Variants in DDX6 observed in about 807,000 individuals in gnomAD.
The protein encoded by DDX6 is probable ATP-dependent RNA helicase DDX6.
Under a neutral mutation model 60.6 loss-of-function variants are expected in DDX6, and 7 were observed. The ratio of observed to expected loss-of-function variants is 0.12; its 90% confidence interval spans 0.07 to 0.22. The LOEUF is 0.22. Among genes scored for constraint, DDX6 ranks in the 10% least tolerant of loss-of-function variants. The pLI, the probability that DDX6 is intolerant of heterozygous loss-of-function variation, is 1.00. For synonymous variants in DDX6, 207 were observed against 201.0 expected (o/e 1.03, Z -0.25); for missense variants, 270 against 589.9 (o/e 0.46, Z 5.62).
intron 4 of DDX6, among the ~76,000 whole-genome samples, chr11:118,775,975 A>G (rs560138986): frequency 3.3e-5 from 5 of 151,844 alleles, no homozygotes; most frequent in Non-Finnish European, 5.9e-5. Flanking sequence ...TACCAAAAAC[A>G]AAAACAAAAA....
intron 2 of DDX6, among the ~76,000 whole-genome samples, chr11:118,783,882 G>C (rs193054157): frequency 1.3e-5 from 2 of 148,916 alleles, no homozygotes; most frequent in Non-Finnish European, 3.0e-5. Flanking sequence ...GTGAGAGGTC[G>C]AGGTGGGCAG....
chr11:118,757,462 A>G (rs901883087), intron 9 of DDX6, among the ~76,000 whole-genome samples, 175 bp from the exon 10 acceptor site: 1 of 152,230 alleles, frequency 6.6e-6, no homozygotes, highest in Non-Finnish European at 1.5e-5. Context: ...ATGGAAGATA[A>G]TAATATCTAA....
rs782597476 is a variant in DDX6, at chr11:118,758,811, C to T, written c.956G>A (p.Arg319His). Residue 319 changes from arginine (R) to histidine (H), a missense_variant, in exon 9 of 14, where the codon CGC becomes CAC. Transcript: ENST00000534980. ...TGTGTTGAGGCAGTGTACTTTTTGG[C>T]GCTCAGTTACATATGCGTAGTACTG... ...VTQYYAYVTE[R>H]QKVHCLNTLF... 4 of 1,613,568 alleles carry T rather than the reference C, an allele frequency of 2.5e-6. No individual in the cohort carries two copies. Among genetic ancestry groups the T allele is most frequent in the Non-Finnish European group, 3.4e-6 (4 of 1,179,782 alleles).
chr11:118,750,709 CT>C lies in DDX6; in HGVS notation c.*1395del, dbSNP rs142255932. The C allele has an allele frequency of 0.021, 3,255 of 152,252 alleles. 55 individuals are homozygous for C. The highest frequency in any genetic ancestry group is 0.035 in the Non-Finnish European group (2,391 of 68,006). 9.4% of individuals were successfully genotyped at this position (152,252 alleles called of 1,614,324 possible). A position where few individuals can be genotyped will look rare whatever the true frequency, so the allele number is the denominator to read the frequency against. On this transcript the variant is annotated 3_prime_UTR_variant, in exon 14 of 14. Coordinates refer to ENST00000534980, the MANE Select transcript of DDX6 (RefSeq NM_004397.6). The stretch of plus-strand genomic sequence containing the variant: ...TGCAAGGTAGATTAATCTTTGCCCC[CT>C]GTTGCAGAGCTTGAAATATTCCTCA...
chr11:118,762,557 T>C (rs1165760585), intron 7 of DDX6, among the ~76,000 whole-genome samples: 3 of 152,092 alleles, frequency 2.0e-5, no homozygotes, highest in African/African-American at 7.2e-5. Flanking sequence ...CCCTCAATCA[T>C]CATGTGGCTG....
intron 6 of DDX6, among the ~76,000 whole-genome samples, chr11:118,763,542 G>A (rs1377325138): frequency 6.6e-6 from 1 of 151,936 alleles, no homozygotes; most frequent in Non-Finnish European, 1.5e-5. Flanking sequence ...TCTTTTATTA[G>A]AAACAACTAG....
rs144239552 is a variant in DDX6, at chr11:118,784,844, G to A, written c.200+1208C>T. On this transcript the variant is annotated intron_variant, in intron 2 of 13. Coordinates refer to ENST00000534980, the MANE Select transcript of DDX6 (RefSeq NM_004397.6). ...TCGGCTCACTGCAACTCCGCCTCCC[G>A]GGTTTAAGTGATTCTCCTGCCTCAG... Among the ~76,000 whole-genome samples the A allele has an allele frequency of 1.5e-3, 225 of 151,318 alleles. 2 individuals are homozygous for A. Among genetic ancestry groups the A allele is most frequent in the African/African-American group, 4.8e-3 (199 of 41,280 alleles).
intron 4 of DDX6, among the ~76,000 whole-genome samples, chr11:118,771,063 C>T (rs1218895230): frequency 6.6e-6 from 1 of 152,112 alleles, no homozygotes; most frequent in African/African-American, 2.4e-5. Flanking sequence ...TCCAGTTGTT[C>T]CAGAGGCTCC....
intron 6 of DDX6, 65 bp from the exon 7 acceptor site, chr11:118,763,371 T>C: frequency 5.6e-6 from 7 of 1,253,896 alleles, no homozygotes; most frequent in Non-Finnish European, 8.1e-6. Flanking sequence ...GATAAAGGTT[T>C]ATAATATTAC....
chr11:118,759,177 G>A (rs551084882), intron 8 of DDX6: 5 of 302,624 alleles, frequency 1.7e-5, no homozygotes, highest in East Asian at 8.4e-5. Flanking sequence ...CTCCTGCCTC[G>A]GCCTCCCGAG....
chr11:118,759,875 C>A, intron 8 of DDX6, 47 bp downstream of exon 8: 1 of 1,571,570 alleles, frequency 6.4e-7, no homozygotes, highest in Non-Finnish European at 8.6e-7. Flanking sequence ...AAAGCATACT[C>A]AAAGGTCACA....
chr11:118,760,014 G>C lies in DDX6; in HGVS notation c.772C>G (p.Gln258Glu). The C allele has an allele frequency of 6.2e-7, 1 of 1,612,166 alleles. No individual in the cohort carries two copies. Among genetic ancestry groups the C allele is most frequent in the Non-Finnish European group, 8.5e-7 (1 of 1,179,374 alleles). ...GTGAGAATAATATCCTCCATTATCT[G>C]CACAAAATCCTGTGACAGCAACTTA... is the stretch of plus-strand genomic sequence containing the variant. ...ADKLLSQDFV[Q>E]IMEDIILTLP... The change falls in exon 8 of 14, where the codon CAG becomes GAG. Residue 258 changes from glutamine (Q) to glutamate (E), a missense_variant. By Grantham distance (29) the Gln-to-Glu change is conservative (BLOSUM62 2). Coordinates refer to ENST00000534980, the MANE Select transcript of DDX6 (RefSeq NM_004397.6).
rs554103782 is a variant in DDX6, at chr11:118,781,039, T to A, written c.264+82A>T. 105 of 921,966 alleles carry A rather than the reference T, an allele frequency of 1.1e-4. No individual in the cohort carries two copies. The South Asian group carries it at 1.4e-3, about 12-fold the overall frequency. The allele number at this position is 921,966 out of a possible 1,614,324, so 57.1% of individuals were successfully genotyped here. ...AGTGGTGTTATGGTCCTGAAACCAA[T>A]TCCCTCCAGATACCGAGGGACAGCT... On this transcript the variant is annotated intron_variant, in intron 3 of 13. Coordinates refer to ENST00000534980, the MANE Select transcript of DDX6 (RefSeq NM_004397.6).
At chr11:118,782,594 A>G (rs1308662410) in intron 2 of DDX6, among the ~76,000 whole-genome samples, 1 of 152,052 alleles carries the variant, frequency 6.6e-6, no homozygotes, top group East Asian at 1.9e-4. Flanking sequence ...TGCATACTCT[A>G]ACATTGGTAA....
At chr11:118,773,082 TTTTGCTTAAGTTAGA>T (rs1317211492) in intron 4 of DDX6, among the ~76,000 whole-genome samples, 1 of 152,226 alleles carries the variant, frequency 6.6e-6, no homozygotes, top group African/African-American at 2.4e-5. Flanking sequence ...ATAAATTTCC[TTTTGCTTAAGTTAGA>T]TCGAGTTGGT....
chr11:118,751,084 T>TAC lies in DDX6; in HGVS notation c.*1020_*1021insGT, dbSNP rs1860750388. On this transcript the variant is annotated 3_prime_UTR_variant, in exon 14 of 14. Coordinates refer to ENST00000534980, the MANE Select transcript of DDX6 (RefSeq NM_004397.6). ...ATATATATGTATATATATATATATA[T>TAC]ATGAACCCAGAAAAAAAACTTATTT... The TAC allele has an allele frequency of 8.6e-6, 1 of 116,680 alleles. No individual in the cohort carries two copies. The highest frequency in any genetic ancestry group is 9.6e-5 in the Admixed American group (1 of 10,368). 7.2% of individuals were successfully genotyped at this position (116,680 alleles called of 1,614,324 possible). A position where few individuals can be genotyped will look rare whatever the true frequency, so the allele number is the denominator to read the frequency against.
intron 4 of DDX6, among the ~76,000 whole-genome samples, chr11:118,773,808 C>T (rs1224719728): frequency 6.6e-6 from 1 of 151,602 alleles, no homozygotes; most frequent in Non-Finnish European, 1.5e-5. Flanking sequence ...GTGTGACAAA[C>T]TGAGACTCTG....
At chr11:118,770,057 G>C (rs982019869) in intron 4 of DDX6, among the ~76,000 whole-genome samples, 14 of 150,260 alleles carry the variant, frequency 9.3e-5, no homozygotes, top group African/African-American at 3.4e-4. Context: ...ACAGAGTTTC[G>C]CTCTTGTCAC....
chr11:118,763,392 T>G, intron 6 of DDX6, 86 bp from the exon 7 acceptor site: 1 of 993,704 alleles, frequency 1.0e-6, no homozygotes, highest in Admixed American at 1.8e-5. Flanking sequence ...AGTCCTGAGC[T>G]GCTTAATGAT....
Sources: gnomAD v4.1 joint callset for allele counts (sites outside exome capture counted in the v4.1 genomes callset) on GRCh38, gnomAD v4.1.1 for gene constraint, MANE v1.5 for transcripts, NCBI Gene and HGNC (gene_info 2026-07-23, HGNC 2026-07-21) for gene names.